The following MAGED1 variants were observed in gnomAD, a reference collection of about 807,000 sequenced individuals.
MAGED1 encodes the protein MAGE family member D1, also known as melanoma-associated antigen D1.
Under a neutral mutation model 54.1 loss-of-function variants are expected in MAGED1, and 3 were observed. The ratio of observed to expected loss-of-function variants is 0.06; its 90% CI spans 0.03 to 0.14. The LOEUF is 0.14. MAGED1 is among the 10% of genes least tolerant of loss of function. The pLI is 1.00. For synonymous variants in MAGED1, 217 were observed against 227.3 expected (o/e 0.95, Z 0.41); for missense variants, 485 against 623.4 (o/e 0.78, Z 2.36).
intron 3 of MAGED1, 80 bp from the exon 4 acceptor site, chrX:51,896,329 G>A: frequency 1.1e-6 from 1 of 921,055 alleles, no homozygotes; most frequent in Non-Finnish European, 1.5e-6. Flanking sequence ...ACAGGTGAGG[G>A]TTTAGAGGGC....
chrX:51,857,716 A>G (rs782487697), intron 1 of MAGED1: 1 of 112,774 alleles, frequency 8.9e-6, no homozygotes, highest in East Asian at 2.8e-4. Flanking sequence ...ATCCTTGTTC[A>G]TCATCTGCAG....
intron 1 of MAGED1, among the ~76,000 whole-genome samples, chrX:51,830,585 G>A (rs931195618): frequency 9.1e-6 from 1 of 109,508 alleles, no homozygotes; most frequent in African/African-American, 3.3e-5. Flanking sequence ...CCTGGAGAAA[G>A]ATGCAGAAAT....
chrX:51,883,953 A>G (rs1201878986), intron 1 of MAGED1, among the ~76,000 whole-genome samples: 1 of 111,944 alleles, frequency 8.9e-6, no homozygotes, highest in Non-Finnish European at 1.9e-5. Flanking sequence ...TTCAGTCTGA[A>G]TGACAGAGAA....
At chrX:51,803,092 C>G (rs782752234) in exon 1 of MAGED1, 1 of 111,454 alleles carries the variant, frequency 9.0e-6, no homozygotes, top group Non-Finnish European at 1.9e-5. Context: ...TCCGGTCACG[C>G]CATCGTTGCT....
intron 1 of MAGED1, chrX:51,857,326 G>A (rs2146984274): frequency 9.0e-6 from 1 of 111,666 alleles, no homozygotes; most frequent in East Asian, 2.8e-4. Context: ...AGTTTATACT[G>A]GACAGAATCC....
chrX:51,835,321 G>A (rs1442595094), intron 1 of MAGED1, among the ~76,000 whole-genome samples: 1 of 110,781 alleles, frequency 9.0e-6, no homozygotes, highest in African/African-American at 3.3e-5. Context: ...CATCTAACAC[G>A]GAGCTTCTTT....
chrX:51,885,869 C>A (rs1928216734), intron 1 of MAGED1, among the ~76,000 whole-genome samples: 1 of 110,315 alleles, frequency 9.1e-6, no homozygotes, highest in African/African-American at 3.3e-5. Flanking sequence ...GATAGGGAAT[C>A]AACCTAAGGG....
chrX:51,827,082 A>G (rs1418353851), intron 1 of MAGED1, among the ~76,000 whole-genome samples: 1 of 111,587 alleles, frequency 9.0e-6, no homozygotes, highest in Non-Finnish European at 1.9e-5. Context: ...ATGAAAAGAT[A>G]TGGTGGAATC....
chrX:51,819,586 G>A (rs1464868728), intron 1 of MAGED1, among the ~76,000 whole-genome samples: 3 of 110,023 alleles, frequency 2.7e-5, no homozygotes, highest in African/African-American at 9.9e-5. Flanking sequence ...TGTCCTTATC[G>A]GCTATTTGTA....
At chrX:51,876,310 T>C (rs782374371) in intron 1 of MAGED1, among the ~76,000 whole-genome samples, 2 of 110,531 alleles carry the variant, frequency 1.8e-5, no homozygotes, top group East Asian at 5.7e-4. Context: ...TCATTCATTA[T>C]TGTTAAACAC....
intron 1 of MAGED1, among the ~76,000 whole-genome samples, chrX:51,880,096 C>T (rs1410167816): frequency 1.8e-5 from 2 of 112,589 alleles, no homozygotes; most frequent in Non-Finnish European, 1.9e-5. Flanking sequence ...TGGTTTCCCT[C>T]AGCTCAGGGT....
intron 1 of MAGED1, among the ~76,000 whole-genome samples, chrX:51,816,781 G>A (rs1159093960): frequency 3.6e-5 from 4 of 110,940 alleles, no homozygotes; most frequent in Admixed American, 9.5e-5. Flanking sequence ...AAACAGAAAC[G>A]GAGATCCACA....
chrX:51,806,492 A>T (rs1602202509), intron 1 of MAGED1, among the ~76,000 whole-genome samples: 1 of 112,263 alleles, frequency 8.9e-6, no homozygotes, highest in East Asian at 2.8e-4. Context: ...TTTGAGATTC[A>T]TCCATATTAT....
chrX:51,814,982 A>G (rs1602208066), intron 1 of MAGED1, among the ~76,000 whole-genome samples: 1 of 106,401 alleles, frequency 9.4e-6, no homozygotes, highest in Non-Finnish European at 1.9e-5. Flanking sequence ...AAAAAAAAAA[A>G]AAAAAAAGAA....
At chrX:51,867,722 A>G (rs1376372835) in intron 1 of MAGED1, among the ~76,000 whole-genome samples, 1 of 112,320 alleles carries the variant, frequency 8.9e-6, no homozygotes, top group Non-Finnish European at 1.9e-5. Context: ...TCACACAAGC[A>G]TACTCAGATG....
At chrX:51,880,432 A>G (rs978628429) in intron 1 of MAGED1, among the ~76,000 whole-genome samples, 1 of 112,000 alleles carries the variant, frequency 8.9e-6, no homozygotes, top group Non-Finnish European at 1.9e-5. Flanking sequence ...GGGGGACTCC[A>G]TACTGCTGGA....
intron 1 of MAGED1, among the ~76,000 whole-genome samples, chrX:51,814,243 C>T (rs1174125352): frequency 1.8e-5 from 2 of 111,796 alleles, no homozygotes; most frequent in East Asian, 2.8e-4. Flanking sequence ...TAAATACCTC[C>T]GTTGTTATGG....
intron 1 of MAGED1, among the ~76,000 whole-genome samples, chrX:51,840,818 T>C: frequency 9.0e-6 from 1 of 110,585 alleles, no homozygotes; most frequent in Non-Finnish European, 1.9e-5. Context: ...CCACATTTTC[T>C]TAATCCAGTC....
chrX:51,863,429 CA>C (rs1231667252), intron 1 of MAGED1, among the ~76,000 whole-genome samples: 1 of 111,858 alleles, frequency 8.9e-6, no homozygotes, highest in Admixed American at 9.4e-5. Context: ...GCTAAAAATG[CA>C]GCAATGAACA....
Sources: allele counts gnomAD v4.1 joint callset (sites outside exome capture counted in the v4.1 genomes callset), GRCh38; gene constraint gnomAD v4.1.1; transcripts MANE v1.5; gene names NCBI Gene and HGNC (gene_info 2026-07-23, HGNC 2026-07-21).